The following NAB2 variants were observed in gnomAD, a reference collection of about 807,000 sequenced individuals.
The protein encoded by NAB2 is NGFI-A binding protein 2.
In NAB2, 9 loss-of-function variants were observed where a neutral mutation model predicts 44.2. That is an observed-to-expected ratio of 0.20 (90% CI 0.12 to 0.36). The LOEUF (loss-of-function observed/expected upper bound fraction) is 0.36, where lower values mean the gene tolerates loss of function less well. NAB2 is among the 10% of genes least tolerant of loss of function. NAB2 has a pLI of 1.00. For missense variants in NAB2, 514 were observed against 709.0 expected (o/e 0.73, Z 3.12); for synonymous variants, 342 against 291.0 (o/e 1.18, Z -1.78).
rs747017569 is a variant in NAB2 at position 57,091,088 on chromosome 12, G to A, written c.84-37G>A. On this transcript the variant is annotated intron_variant, in intron 1 of 6. Coordinates refer to ENST00000300131, the MANE Select transcript of NAB2 (RefSeq NM_005967.4). The surrounding 1 kb of genome is among the most constrained non-coding windows in gnomAD (Gnocchi z 7.3). ...GGGTTGGTACCCAGTAGGGGGACTTGCACCGACTGCCTCTCTCTTGTGCCC... is the reference window on the plus strand; with the variant it reads ...GGGTTGGTACCCAGTAGGGGGACTTACACCGACTGCCTCTCTCTTGTGCCC... 3 of 1,484,800 alleles carry A rather than the reference G, an allele frequency of 2.0e-6. No individual in the cohort carries two copies. The highest frequency in any genetic ancestry group is 2.7e-6 in the Non-Finnish European group (3 of 1,110,452). 92.0% of individuals were successfully genotyped at this position (1,484,800 alleles called of 1,614,324 possible).
intron 1 of NAB2, 103 bp downstream of exon 1, chr12:57,089,457 G>A: frequency 2.7e-6 from 2 of 744,900 alleles, no homozygotes; most frequent in Non-Finnish European, 2.0e-6. Flanking sequence ...GGGGAAGCAG[G>A]ACGGGGGTGG....
At chr12:57,092,734 T>C (rs2033217968) in intron 3 of NAB2, among the ~76,000 whole-genome samples, 153 bp downstream of exon 3, 1 of 152,184 alleles carries the variant, frequency 6.6e-6, no homozygotes, top group African/African-American at 2.4e-5. Flanking sequence ...GTCTGGTCTC[T>C]CCTCCCATCC....
At chr12:57,089,958 C>T (rs2033147338) in intron 1 of NAB2, among the ~76,000 whole-genome samples, 1 of 152,128 alleles carries the variant, frequency 6.6e-6, no homozygotes, top group African/African-American at 2.4e-5. Flanking sequence ...TAGGCGGGAG[C>T]CCCTGGGCGG....
chr12:57,092,735 C>T (rs568158415), intron 3 of NAB2, among the ~76,000 whole-genome samples, 154 bp downstream of exon 3: 12 of 152,326 alleles, frequency 7.9e-5, no homozygotes, highest in Non-Finnish European at 1.6e-4. Context: ...TCTGGTCTCT[C>T]CTCCCATCCA....
chr12:57,094,976 G>GGC lies in NAB2; in HGVS notation c.*256_*257dup, dbSNP rs754646137. 2.2e-5 allele frequency: 11 copies of GGC among 504,174 alleles called. No individual in the cohort carries two copies. Among genetic ancestry groups the GGC allele is most frequent in the African/African-American group, 1.2e-4 (6 of 51,250 alleles). The allele number at this position is 504,174 out of a possible 1,614,324, so 31.2% of individuals were successfully genotyped here. On this transcript the variant is annotated 3_prime_UTR_variant, in exon 7 of 7. Coordinates refer to ENST00000300131, the MANE Select transcript of NAB2 (RefSeq NM_005967.4). ...GAGGGGGCAAGGACTCTGCCTCCAG[G>GGC]GCATCTGGGGTTTTCCCCTCCCTCA...
At position 57,094,813 on chromosome 12, in the gene NAB2, TG is replaced by T. The variant is rs762515649; in HGVS notation, c.*94del. Reference sequence around the variant, plus strand: ...CATCCCCGGAATCTAGTCACAACCCTGGATCCTTCCTCTGCCCTTCTCCTGC... The same window carrying T: ...CATCCCCGGAATCTAGTCACAACCCTGATCCTTCCTCTGCCCTTCTCCTGC... On this transcript the variant is annotated 3_prime_UTR_variant, in exon 7 of 7. Transcript: ENST00000300131. 49 of 1,081,962 alleles carry T rather than the reference TG, an allele frequency of 4.5e-5. No homozygotes were observed. Among genetic ancestry groups the T allele is most frequent in the Non-Finnish European group, 6.0e-5 (45 of 755,698 alleles). The allele number at this position is 1,081,962 out of a possible 1,614,324, so 67.0% of individuals were successfully genotyped here. A position where few individuals can be genotyped will look rare whatever the true frequency, so the allele number is the denominator to read the frequency against.
rs2033319105 is a variant in NAB2, at chr12:57,095,037, G to A, written c.*316G>A. On this transcript the variant is annotated 3_prime_UTR_variant, in exon 7 of 7. Transcript: ENST00000300131. ...TCCCATTCTCTTTAGGTTTGCACCAGTGGTGTGAGCAGTTGGACTCAGTTT... is the reference window on the plus strand; with the variant it reads ...TCCCATTCTCTTTAGGTTTGCACCAATGGTGTGAGCAGTTGGACTCAGTTT... The A allele has an allele frequency of 3.1e-6, 1 of 325,504 alleles. No individual in the cohort carries two copies. The highest frequency in any genetic ancestry group is 4.6e-5 in the Admixed American group (1 of 21,526). The allele number at this position is 325,504 out of a possible 1,614,324, so 20.2% of individuals were successfully genotyped here.
Position 57,091,114 on chromosome 12 carries a change from C to T in NAB2, c.84-11C>T. 6.6e-7 allele frequency: 1 copy of T among 1,509,670 alleles called. No homozygotes were observed. Among genetic ancestry groups the T allele is most frequent in the Non-Finnish European group, 8.9e-7 (1 of 1,129,346 alleles). The allele number at this position is 1,509,670 out of a possible 1,614,324, so 93.5% of individuals were successfully genotyped here. A position where few individuals can be genotyped will look rare whatever the true frequency, so the allele number is the denominator to read the frequency against. On this transcript the variant is annotated splice_polypyrimidine_tract_variant and intron_variant, in intron 1 of 6. Transcript: ENST00000300131. The surrounding 1 kb of genome is among the most constrained non-coding windows in gnomAD (Gnocchi z 7.3). ...CACCGACTGCCTCTCTCTTGTGCCC[C>T]TCCTTCTCAGGCCCAGTGCCCGAGC...
At chr12:57,094,134 G>A (rs1475174940) in intron 6 of NAB2, among the ~76,000 whole-genome samples, 2 of 151,852 alleles carry the variant, frequency 1.3e-5, no homozygotes, top group African/African-American at 4.8e-5. Flanking sequence ...AAGTGGGGGC[G>A]GGGACTGGAA....
At position 57,093,533 on chromosome 12, in the gene NAB2, G is replaced by A; in HGVS notation, c.1403G>A (p.Arg468His). ...TLMDEGLRLA[R>H]LVSHDRVGRL... is the part of the protein sequence containing the mutation. The stretch of plus-strand genomic sequence containing the variant: ...ATGGACGAGGGGCTGCGGCTCGCCC[G>A]CCTCGTCTCCCACGACCGCGTGGGC... Residue 468 changes from arginine (R) to histidine (H), a missense_variant, in exon 6 of 7, where the codon CGC becomes CAC. Transcript: ENST00000300131. 1.3e-6 allele frequency: 2 copies of A among 1,558,150 alleles called. No individual in the cohort carries two copies. The highest frequency in any genetic ancestry group is 1.7e-6 in the Non-Finnish European group (2 of 1,152,910).
In NAB2 at chr12:57,094,956, G is replaced by A. The variant is rs2033313712; in HGVS notation, c.*235G>A. 3 of 538,252 alleles carry A rather than the reference G, an allele frequency of 5.6e-6. No individual in the cohort carries two copies. Among genetic ancestry groups the A allele is most frequent in the East Asian group, 3.2e-5 (1 of 31,220 alleles). The allele number at this position is 538,252 out of a possible 1,614,324, so 33.3% of individuals were successfully genotyped here. Reference sequence around the variant, plus strand: ...CCCTCACCCCTGCCCAGAGCGAGGGGGCAAGGACTCTGCCTCCAGGGCATC... The same window carrying A: ...CCCTCACCCCTGCCCAGAGCGAGGGAGCAAGGACTCTGCCTCCAGGGCATC... On this transcript the variant is annotated 3_prime_UTR_variant, in exon 7 of 7. Transcript: ENST00000300131.
Position 57,089,231 on chromosome 12 carries a change from C to T in NAB2, c.-41C>T. On this transcript the variant is annotated 5_prime_UTR_variant, in exon 1 of 7. Coordinates refer to ENST00000300131, the MANE Select transcript of NAB2 (RefSeq NM_005967.4). ...GCAGCACGCAGCAGGCGCCGAGCGCCGGGCACCGAGAAGGGCAGCCCGGGT... is the reference window on the plus strand; with the variant it reads ...GCAGCACGCAGCAGGCGCCGAGCGCTGGGCACCGAGAAGGGCAGCCCGGGT... 6.5e-7 allele frequency: 1 copy of T among 1,549,866 alleles called. No individual in the cohort carries two copies. Among genetic ancestry groups the T allele is most frequent in the South Asian group, 1.2e-5 (1 of 84,244 alleles).
rs2033193536 is a variant in NAB2, at chr12:57,091,776, G to A, written c.735G>A (p.Val245=). ...TGGAGCCAGAGATGGTACGCATGGT[G>A]GTGGAAAGTGTGGAGAGGATCTTCC... ...DRLEPEMVRM[V]VESVERIFRS... Residue 245 remains valine, a synonymous_variant, in exon 2 of 7, where the codon GTG becomes GTA. Transcript: ENST00000300131. The surrounding 1 kb of genome is among the most constrained non-coding windows in gnomAD (Gnocchi z 7.3). The A allele has an allele frequency of 6.2e-7, 1 of 1,614,096 alleles. No homozygotes were observed. Among genetic ancestry groups the A allele is most frequent in the Non-Finnish European group, 8.5e-7 (1 of 1,180,016 alleles).
At position 57,093,569 on chromosome 12, in the gene NAB2, C is replaced by T. The variant is rs1018853898; in HGVS notation, c.1439C>T (p.Pro480Leu). The T allele has an allele frequency of 6.5e-7, 1 of 1,528,724 alleles. No homozygotes were observed. The highest frequency in any genetic ancestry group is 8.8e-7 in the Non-Finnish European group (1 of 1,138,060). 94.7% of individuals were successfully genotyped at this position (1,528,724 alleles called of 1,614,324 possible). Residue 480 changes from proline (P) to leucine (L), a missense_variant, in exon 6 of 7, where the codon CCC becomes CTC. By Grantham distance (98) the Pro-to-Leu change is moderately conservative. Coordinates refer to ENST00000300131, the MANE Select transcript of NAB2 (RefSeq NM_005967.4). ...VSHDRVGRLSPCVPAKPPLAE... is the reference protein window; with the variant it reads ...VSHDRVGRLSLCVPAKPPLAE... ...CACGACCGCGTGGGCCGCCTCAGCCCCTGTGTGCCTGCGAAGCCACCTCTC... is the reference window on the plus strand; with the variant it reads ...CACGACCGCGTGGGCCGCCTCAGCCTCTGTGTGCCTGCGAAGCCACCTCTC...
chr12:57,089,424 G>A (rs1392801220), intron 1 of NAB2, 70 bp downstream of exon 1: 4 of 1,411,800 alleles, frequency 2.8e-6, no homozygotes, highest in Non-Finnish European at 1.9e-6. Flanking sequence ...GGGTCCAGAG[G>A]GCGGAGGTCG....
intron 3 of NAB2, 69 bp downstream of exon 3, chr12:57,092,650 T>C (rs1189083166): frequency 1.1e-5 from 17 of 1,574,596 alleles, no homozygotes; most frequent in Non-Finnish European, 1.7e-6. Flanking sequence ...GTCCTAACCT[T>C]CAGCTCAGGC....
intron 1 of NAB2, among the ~76,000 whole-genome samples, chr12:57,089,799 A>G (rs1469578314): frequency 6.6e-6 from 1 of 152,054 alleles, no homozygotes; most frequent in Admixed American, 6.5e-5. Flanking sequence ...CGAGGGAGGC[A>G]GGGAGGCCTT....
rs997552922 is a variant in NAB2, at chr12:57,094,994, C to G, written c.*273C>G. On this transcript the variant is annotated 3_prime_UTR_variant, in exon 7 of 7. Coordinates refer to ENST00000300131, the MANE Select transcript of NAB2 (RefSeq NM_005967.4). ...CCTCCAGGGCATCTGGGGTTTTCCC[C>G]TCCCTCACACAACACACTCCCATTC... 12 of 480,372 alleles carry G rather than the reference C, an allele frequency of 2.5e-5. No individual in the cohort carries two copies. Among genetic ancestry groups the G allele is most frequent in the African/African-American group, 7.9e-5 (4 of 50,622 alleles). 29.8% of individuals were successfully genotyped at this position (480,372 alleles called of 1,614,324 possible).
chr12:57,093,815 T>G (rs2033258225), intron 6 of NAB2, among the ~76,000 whole-genome samples: 3 of 101,980 alleles, frequency 2.9e-5, no homozygotes, highest in Non-Finnish European at 6.4e-5. Context: ...TGTAGATCTG[T>G]GAAAGGGGAA....
Sources: allele counts gnomAD v4.1 joint callset (sites outside exome capture counted in the v4.1 genomes callset), GRCh38; gene constraint gnomAD v4.1.1; non-coding constraint Gnocchi (gnomAD v3.1); transcripts MANE v1.5; gene names NCBI Gene and HGNC (gene_info 2026-07-23, HGNC 2026-07-21).